The following ZFHX3 variants were observed in gnomAD, a reference collection of about 807,000 sequenced individuals.
ZFHX3 encodes zinc finger homeobox 3, also known as zinc finger homeobox protein 3.
Under a neutral mutation model 279.1 loss-of-function variants are expected in ZFHX3, and 42 were observed. The ratio of observed to expected loss-of-function variants is 0.15; its 90% CI spans 0.12 to 0.19. ZFHX3 has a LOEUF of 0.19. ZFHX3 is among the 10% of genes least tolerant of loss of function. The pLI, the probability that ZFHX3 is intolerant of heterozygous loss-of-function variation, is 1.00. For missense variants in ZFHX3, 4,981 were observed against 4,754.0 expected (o/e 1.05, Z -1.40); for synonymous variants, 2,293 against 1,957.8 (o/e 1.17, Z -4.52).
At chr16:73,527,036 A>G (rs936411975) in intron 2 of ZFHX3, among the ~76,000 whole-genome samples, 1 of 152,072 alleles carries the variant, frequency 6.6e-6, no homozygotes, top group Admixed American at 6.6e-5. Context: ...ACTTCCACCA[A>G]CCATCAAGAA....
At chr16:73,536,770 C>T (rs1284409593) in intron 2 of ZFHX3, among the ~76,000 whole-genome samples, 3 of 152,004 alleles carry the variant, frequency 2.0e-5, no homozygotes, top group Non-Finnish European at 4.4e-5. Flanking sequence ...CACGAGAGTC[C>T]GGATTTGTCA....
rs761128887 is a variant in ZFHX3, at chr16:72,787,674, G to C, written c.10602C>G (p.Cys3534Trp). 3.2e-6 allele frequency: 5 copies of C among 1,555,292 alleles called. No individual in the cohort carries two copies. The highest frequency in any genetic ancestry group is 3.5e-6 in the Non-Finnish European group (4 of 1,150,376). ...GGGGSYHCLA[C>W]ESALCGEEAL... Reference sequence around the variant, plus strand: ...CTTCCTCCCCACAGAGCGCGCTCTCGCACGCCAGGCAGTGGTACGAGCCGC... The same window carrying C: ...CTTCCTCCCCACAGAGCGCGCTCTCCCACGCCAGGCAGTGGTACGAGCCGC... The change falls in exon 10 of 10, where the codon TGC becomes TGG. Residue 3534 changes from cysteine to tryptophan, a missense_variant. By Grantham distance (215) the Cys-to-Trp change is radical. Around this residue, in one of 7 missense-constraint regions of ZFHX3, gnomAD observed 1,034 missense variants for 786.0 expected, o/e 1.32. Coordinates refer to ENST00000268489, the MANE Select transcript of ZFHX3 (RefSeq NM_006885.4).
chr16:73,853,824 C>G (rs949602747), intron 1 of ZFHX3, among the ~76,000 whole-genome samples: 2 of 152,140 alleles, frequency 1.3e-5, no homozygotes, highest in East Asian at 1.9e-4. Context: ...CCCCCTAAAT[C>G]TAAAATAAAT....
intron 3 of ZFHX3, among the ~76,000 whole-genome samples, chr16:73,431,565 A>G: frequency 6.6e-6 from 1 of 152,200 alleles, no homozygotes; most frequent in East Asian, 1.9e-4. Context: ...TTCTGATTAT[A>G]AAAGTACATA....
rs749152788 is a variant in ZFHX3 at position 72,793,575 on chromosome 16, C to T, written c.9107G>A (p.Arg3036Gln). The T allele has an allele frequency of 6.8e-6, 11 of 1,614,050 alleles. No individual in the cohort carries two copies. Among genetic ancestry groups the T allele is most frequent in the Non-Finnish European group, 9.3e-6 (11 of 1,180,040 alleles). Residue 3036 changes from arginine to glutamine, a missense_variant, in exon 9 of 10, where the codon CGG (arginine) becomes CAG (glutamine). This residue lies in a region of ZFHX3 where 168 missense variants were observed against 249.1 expected (regional missense o/e 0.67). Transcript: ENST00000268489. This position sits in a 1 kb window ranked among gnomAD's most constrained non-coding sequence, Gnocchi z 4.3. ...AAAGATATGGTCACGTACAGACAGC[C>T]GAGCGCTGTACTTGATGCCACACAA... Reference protein sequence around the residue: ...CTLCGIKYSARLSVRDHIFSQ... With the variant: ...CTLCGIKYSAQLSVRDHIFSQ...
intron 5 of ZFHX3, among the ~76,000 whole-genome samples, chr16:73,242,961 C>A (rs561786634): frequency 6.6e-6 from 1 of 152,148 alleles, no homozygotes; most frequent in African/African-American, 2.4e-5. Context: ...ACCAGAAGGA[C>A]GTGGCAATAG....
At chr16:73,026,111 C>T (rs539083996) in intron 1 of ZFHX3, among the ~76,000 whole-genome samples, 17 of 141,530 alleles carry the variant, frequency 1.2e-4, no homozygotes, top group African/African-American at 4.3e-4. Context: ...CTTAGGGAAG[C>T]AGAGGTGGGT....
intron 2 of ZFHX3, among the ~76,000 whole-genome samples, chr16:73,579,365 T>C (rs2051833512): frequency 1.3e-5 from 2 of 152,348 alleles, no homozygotes; most frequent in Middle Eastern, 3.4e-3. Flanking sequence ...TGAGGCTGTG[T>C]CATGGGTGCA....
At chr16:73,257,911 C>G in intron 4 of ZFHX3, among the ~76,000 whole-genome samples, 1 of 152,174 alleles carries the variant, frequency 6.6e-6, no homozygotes, top group African/African-American at 2.4e-5. Context: ...ACAGTAGATA[C>G]TTGTGACTGA....
At chr16:73,393,749 C>T (rs1357419814) in intron 3 of ZFHX3, among the ~76,000 whole-genome samples, 1 of 151,946 alleles carries the variant, frequency 6.6e-6, no homozygotes, top group Non-Finnish European at 1.5e-5. Context: ...ACCATAGTAT[C>T]CAGTGGGTAA....
In ZFHX3 at chr16:72,957,563, G is replaced by A. The variant is rs760092394; in HGVS notation, c.2583C>T (p.Leu861=). The change falls in exon 2 of 10, where the codon CTC becomes CTT. Residue 861 remains leucine (L), a synonymous_variant. Coordinates refer to ENST00000268489, the MANE Select transcript of ZFHX3 (RefSeq NM_006885.4). ...TGTTCTGGGCCAGGTAGTATTGGTA[G>A]AGCTCGGCCTCGGCGGGTGAGGGCA... ...GSLPSPAEAE[L]YQYYLAQNMN... The A allele has an allele frequency of 4.3e-6, 7 of 1,614,102 alleles. No homozygotes were observed. The highest frequency in any genetic ancestry group is 5.1e-6 in the Non-Finnish European group (6 of 1,180,058).
chr16:73,742,192 G>A (rs1435482172), intron 1 of ZFHX3, among the ~76,000 whole-genome samples: 3 of 152,142 alleles, frequency 2.0e-5, no homozygotes, highest in Admixed American at 6.5e-5. Context: ...TGAAGTTACA[G>A]CCGTTTTTGA....
intron 5 of ZFHX3, among the ~76,000 whole-genome samples, chr16:73,158,559 AG>A (rs1967152179): frequency 6.6e-6 from 1 of 152,204 alleles, no homozygotes; most frequent in African/African-American, 2.4e-5. Flanking sequence ...AGACATATAC[AG>A]CATAAACCAA....
intron 1 of ZFHX3, among the ~76,000 whole-genome samples, chr16:73,749,389 G>C (rs2053737294): frequency 6.6e-6 from 1 of 151,882 alleles, no homozygotes; most frequent in Non-Finnish European, 1.5e-5. Context: ...TACCTTCCAG[G>C]CAGGGTTCCC....
At chr16:73,460,427 T>C (rs1451080096) in intron 2 of ZFHX3, among the ~76,000 whole-genome samples, 1 of 152,238 alleles carries the variant, frequency 6.6e-6, no homozygotes, top group African/African-American at 2.4e-5. Flanking sequence ...TTGTTATAAA[T>C]AGTCATGTAC....
intron 5 of ZFHX3, among the ~76,000 whole-genome samples, chr16:73,234,720 C>G (rs1244050284): frequency 6.6e-6 from 1 of 152,204 alleles, no homozygotes; most frequent in Non-Finnish European, 1.5e-5. Flanking sequence ...ATCTTCCTAA[C>G]TGTAAAAGAG....
chr16:73,632,861 G>A (rs537896481), intron 2 of ZFHX3, among the ~76,000 whole-genome samples: 2 of 152,192 alleles, frequency 1.3e-5, no homozygotes, highest in South Asian at 4.1e-4. Context: ...TAGATCACAA[G>A]GTCAGGAGAT....
Position 72,950,971 on chromosome 16 carries a change from G to A in ZFHX3, c.2720-6C>T. ...TAGGGGGATCTCACCGCCCACTGCA[G>A]GGAAGGAGAGAAGGAGAGAGTCAGA... On this transcript the variant is annotated splice_polypyrimidine_tract_variant and splice_region_variant and intron_variant, in intron 2 of 9. Transcript: ENST00000268489. 6.2e-7 allele frequency: 1 copy of A among 1,607,812 alleles called. No homozygotes were observed. Among genetic ancestry groups the A allele is most frequent in the East Asian group, 2.2e-5 (1 of 44,706 alleles).
At chr16:72,914,761 C>T (rs1323412968) in intron 3 of ZFHX3, among the ~76,000 whole-genome samples, 1 of 152,108 alleles carries the variant, frequency 6.6e-6, no homozygotes, top group Non-Finnish European at 1.5e-5. Flanking sequence ...GGGGCTGAGG[C>T]AGGCAGGTCA....
Sources: allele counts gnomAD v4.1 joint callset (sites outside exome capture counted in the v4.1 genomes callset), GRCh38; gene constraint gnomAD v4.1.1; regional missense constraint gnomAD v4.1.1; non-coding constraint Gnocchi (gnomAD v3.1); transcripts MANE v1.5; gene names NCBI Gene and HGNC (gene_info 2026-07-23, HGNC 2026-07-21).